Variants in KCNAB2 observed in about 807,000 individuals in gnomAD.
KCNAB2 encodes the protein potassium voltage-gated channel subfamily A regulatory beta subunit 2.
Under a neutral mutation model 63.6 loss-of-function variants are expected in KCNAB2, and 29 were observed. The observed-to-expected ratio is 0.46, with a 90% CI of 0.34 to 0.62. KCNAB2 has a LOEUF of 0.62. Ranked by LOEUF, KCNAB2 falls within the 20% of genes least tolerant of loss-of-function variation. The probability of loss-of-function intolerance (pLI) is 0.01; values close to 1 mark genes in which losing one functional copy is unlikely to be tolerated. For missense variants in KCNAB2, 359 were observed against 563.9 expected (o/e 0.64, Z 3.68); for synonymous variants, 222 against 224.2 (o/e 0.99, Z 0.09).
chr1:6,068,951 G>A lies in KCNAB2; in HGVS notation c.219-3804G>A, dbSNP rs574573891. Among the ~76,000 whole-genome samples the A allele has an allele frequency of 1.4e-4, 22 of 152,310 alleles. 1 individual carries two copies. In the South Asian group the frequency reaches 3.1e-3, roughly 22 times the overall value. On this transcript the variant is annotated intron_variant, in intron 2 of 15. Transcript: ENST00000378083. Reference sequence around the variant, plus strand: ...TAAGGCGTGCTCAGTGTAGGATGGCGGGAGGCCAAGCCTGATAAGTAAGGG... The same window carrying A: ...TAAGGCGTGCTCAGTGTAGGATGGCAGGAGGCCAAGCCTGATAAGTAAGGG...
chr1:6,096,264 G>A lies in KCNAB2; in HGVS notation c.949-372G>A. On this transcript the variant is annotated intron_variant, in intron 13 of 15. Coordinates refer to ENST00000378083, the MANE Select transcript of KCNAB2 (RefSeq NM_001199862.2). This position sits in a 1 kb window ranked among gnomAD's most constrained non-coding sequence, Gnocchi z 5.9. ...CTGGGGGGGATGGCCAGGGGAGAGA[G>A]CACTCCCCTAGGGCCAGGAGGTTCT... 1 of 411,222 alleles carries A rather than the reference G, an allele frequency of 2.4e-6. No homozygotes were observed. The highest frequency in any genetic ancestry group is 1.8e-5 in the South Asian group (1 of 55,994). 25.5% of individuals were successfully genotyped at this position (411,222 alleles called of 1,614,324 possible). A position where few individuals can be genotyped will look rare whatever the true frequency, so the allele number is the denominator to read the frequency against.
chr1:6,000,428 G>A (rs532463521), intron 1 of KCNAB2, among the ~76,000 whole-genome samples: 12 of 152,248 alleles, frequency 7.9e-5, no homozygotes, highest in Admixed American at 5.9e-4. Flanking sequence ...TACATCCTTC[G>A]TGCTTACAAG....
rs530952918 is a variant in KCNAB2 at position 6,035,390 on chromosome 1, G to C, written c.-53+596G>C. 6.6e-6 allele frequency among the ~76,000 whole-genome samples: 1 copy of C among 152,290 alleles called. No individual in the cohort carries two copies. Among genetic ancestry groups the C allele is most frequent in the Non-Finnish European group, 1.5e-5 (1 of 68,032 alleles). ...GTTCTGGGAGGATCACCCTGGCCGCGTAGAGTCTGCCGGCGGGGGTGGAGG... is the reference window on the plus strand; with the variant it reads ...GTTCTGGGAGGATCACCCTGGCCGCCTAGAGTCTGCCGGCGGGGGTGGAGG... On this transcript the variant is annotated intron_variant, in intron 1 of 15. Transcript: ENST00000164247. The surrounding 1 kb of genome is among the most constrained non-coding windows in gnomAD (Gnocchi z 5.0).
At position 6,010,124 on chromosome 1, in the gene KCNAB2, G is replaced by A. The variant is rs370425524; in HGVS notation, c.-53+17336G>A. 2.8e-4 allele frequency among the ~76,000 whole-genome samples: 42 copies of A among 152,204 alleles called. 1 individual carries two copies. In the South Asian group the frequency reaches 3.7e-3, roughly 14 times the overall value. ...ACTCCTGGCCCCAAGTGATCCACCC[G>A]CCTCAGCCTCCCAAAGTGCTGGCAT... On this transcript the variant is annotated intron_variant, in intron 1 of 16. Coordinates refer to the KCNAB2 transcript ENST00000341524.
chr1:6,007,996 G>T (rs533279806), intron 1 of KCNAB2, among the ~76,000 whole-genome samples: 1 of 152,290 alleles, frequency 6.6e-6, no homozygotes, highest in African/African-American at 2.4e-5. Context: ...TGCAGATGCT[G>T]CCTGGAGCTG....
At chr1:6,019,125 C>T (rs989374025) in intron 1 of KCNAB2, among the ~76,000 whole-genome samples, 2 of 152,034 alleles carry the variant, frequency 1.3e-5, no homozygotes, top group Non-Finnish European at 2.9e-5. Context: ...GATTCTGTCT[C>T]TATAAAAAAT....
intron 4 of KCNAB2, among the ~76,000 whole-genome samples, chr1:6,077,232 C>T (rs933708623): frequency 2.0e-5 from 3 of 152,038 alleles, no homozygotes; most frequent in Admixed American, 6.5e-5. Flanking sequence ...GGGAAAGGCC[C>T]GTGACAGCCA....
intron 1 of KCNAB2, among the ~76,000 whole-genome samples, chr1:5,993,491 A>T (rs806110): frequency 2.0e-5 from 3 of 152,026 alleles, no homozygotes; most frequent in Non-Finnish European, 4.4e-5. Flanking sequence ...AGGCCTTGGC[A>T]CAAAGCACTT....
chr1:6,007,633 C>T (rs1041976432), intron 1 of KCNAB2: 1 of 152,384 alleles, frequency 6.6e-6, no homozygotes, highest in Admixed American at 6.5e-5. Context: ...CCTACCTTGG[C>T]TCACTTAAAA....
chr1:6,007,859 C>T (rs868306156), intron 1 of KCNAB2, among the ~76,000 whole-genome samples: 3 of 152,234 alleles, frequency 2.0e-5, no homozygotes, highest in Middle Eastern at 3.2e-3. Context: ...CCAACAGATG[C>T]AGAGGCTCCT....
chr1:6,048,104 C>G (rs553033592), intron 1 of KCNAB2, among the ~76,000 whole-genome samples: 2 of 152,204 alleles, frequency 1.3e-5, no homozygotes, highest in African/African-American at 4.8e-5. Flanking sequence ...TCCCCAAACT[C>G]AGCCTTCCAC....
intron 2 of KCNAB2, 37 bp from the exon 3 acceptor site, chr1:6,072,718 C>T: frequency 1.2e-6 from 2 of 1,612,016 alleles, no homozygotes; most frequent in Non-Finnish European, 1.7e-6. Flanking sequence ...AGGGTCCTGC[C>T]TGGGTGCTGA....
At chr1:5,999,979 T>C (rs1657150917) in intron 1 of KCNAB2, among the ~76,000 whole-genome samples, 1 of 150,534 alleles carries the variant, frequency 6.6e-6, no homozygotes, top group Non-Finnish European at 1.5e-5. Context: ...CTGCACCCCA[T>C]CCATATCCTG....
intron 9 of KCNAB2, 63 bp downstream of exon 9, chr1:6,090,538 G>C: frequency 7.8e-7 from 1 of 1,287,072 alleles, no homozygotes; most frequent in Non-Finnish European, 1.1e-6. Context: ...TCTGAACCTG[G>C]GGTTGTAGAG....
chr1:6,062,778 G>A (rs1662426008), intron 2 of KCNAB2, among the ~76,000 whole-genome samples: 1 of 152,198 alleles, frequency 6.6e-6, no homozygotes, highest in South Asian at 2.1e-4. Context: ...TCAGGCAGGT[G>A]ACTTTTTTGG....
rs901498907 is a variant in KCNAB2, at chr1:6,000,762, C to T, written c.-53+7974C>T. Reference sequence around the variant, plus strand: ...AAGTAGCACCTGGGGGTCCTGGTGACGCCAGCACAGACAGCCCTCTCCAGG... The same window carrying T: ...AAGTAGCACCTGGGGGTCCTGGTGATGCCAGCACAGACAGCCCTCTCCAGG... On this transcript the variant is annotated intron_variant, in intron 1 of 16. Transcript: ENST00000341524. Among the ~76,000 whole-genome samples, 49 of 152,086 alleles carry T rather than the reference C, an allele frequency of 3.2e-4. 1 individual carries two copies. The highest frequency in any genetic ancestry group is 2.6e-3 in the Admixed American group (40 of 15,270).
intron 2 of KCNAB2, among the ~76,000 whole-genome samples, chr1:6,065,750 G>A (rs1367160207): frequency 6.6e-6 from 1 of 152,110 alleles, no homozygotes; most frequent in Non-Finnish European, 1.5e-5. Context: ...GTTGAGGGTG[G>A]GGACAGAGGA....
At chr1:6,002,546 A>G (rs1413780749) in intron 1 of KCNAB2, among the ~76,000 whole-genome samples, 1 of 152,206 alleles carries the variant, frequency 6.6e-6, no homozygotes, top group Non-Finnish European at 1.5e-5. Context: ...CAGCCCCTGA[A>G]CCGTACGTGA....
intron 1 of KCNAB2, chr1:6,040,424 C>T: frequency 1.4e-6 from 1 of 699,260 alleles, no homozygotes; most frequent in Non-Finnish European, 2.6e-6. Context: ...ACAGCCTCCT[C>T]AGCCTTTGTG....
Sources: gnomAD v4.1 joint callset for allele counts (sites outside exome capture counted in the v4.1 genomes callset) on GRCh38, gnomAD v4.1.1 for gene constraint, Gnocchi (gnomAD v3.1) non-coding constraint, MANE v1.5 for transcripts, NCBI Gene and HGNC (gene_info 2026-07-23, HGNC 2026-07-21) for gene names.